Variants in CHEK1 observed in about 807,000 individuals in gnomAD.
CHEK1 encodes checkpoint kinase 1, also known as serine/threonine-protein kinase Chk1.
CHEK1 carries 32 observed loss-of-function variants against 60.2 expected under a neutral mutation model. The observed-to-expected ratio is 0.53, with a 90% confidence interval of 0.40 to 0.71. The LOEUF (loss-of-function observed/expected upper bound fraction) is 0.71, where lower values mean the gene tolerates loss of function less well. Ranked by LOEUF, CHEK1 falls within the 30% of genes least tolerant of loss-of-function variation. CHEK1 has a pLI of 0.00. For synonymous variants in CHEK1, 179 were observed against 187.2 expected, an observed-to-expected ratio of 0.96 and a Z score of 0.36; for missense variants, 399 against 564.6, an observed-to-expected ratio of 0.71 and a Z score of 2.97.
chr11:125,672,921 A>G (rs1222635125), intron 13 of CHEK1, among the ~76,000 whole-genome samples: 3 of 152,038 alleles, frequency 2.0e-5, no homozygotes, highest in East Asian at 1.9e-4. Context: ...GTCCGTTTCT[A>G]TGGACTCCTT....
At chr11:125,638,073 G>A (rs1380818281) in intron 8 of CHEK1, among the ~76,000 whole-genome samples, 1 of 152,192 alleles carries the variant, frequency 6.6e-6, no homozygotes, top group Non-Finnish European at 1.5e-5. Context: ...GGTTTGAGAT[G>A]AGGCCAGAGA....
intron 12 of CHEK1, among the ~76,000 whole-genome samples, chr11:125,654,973 C>G (rs1425940265): frequency 6.6e-6 from 1 of 152,142 alleles, no homozygotes; most frequent in Non-Finnish European, 1.5e-5. Flanking sequence ...AGATAGGATG[C>G]CATGTTTATC....
chr11:125,626,161 T>A lies in CHEK1; in HGVS notation c.-21+149T>A, dbSNP rs1591388506. 4.9e-6 allele frequency: 3 copies of A among 607,126 alleles called. No homozygotes were observed. The South Asian group carries it at 5.7e-5, about 11-fold the overall frequency. The allele number at this position is 607,126 out of a possible 1,614,324, so 37.6% of individuals were successfully genotyped here. The stretch of plus-strand genomic sequence containing the variant: ...CCTGCGGAGGGGCGGTTTCGGAGGG[T>A]GGAGGAATGGTACCAGGAGGTTCCC... On this transcript the variant is annotated intron_variant, in intron 1 of 12. Coordinates refer to ENST00000438015, the MANE Select transcript of CHEK1 (RefSeq NM_001114122.3).
At chr11:125,637,418 T>C (rs747557816) in intron 7 of CHEK1, 31 bp from the exon 8 acceptor site, 25 of 1,567,114 alleles carry the variant, frequency 1.6e-5, no homozygotes, top group Non-Finnish European at 1.8e-5. Flanking sequence ...CATGATTCTT[T>C]CGTGAATGTT....
chr11:125,677,343 A>G (rs185054780), downstream of CHEK1, among the ~76,000 whole-genome samples: 185 of 152,358 alleles, frequency 1.2e-3, 2 homozygotes, highest in Non-Finnish European at 1.4e-3. Flanking sequence ...AAATAGCTTT[A>G]CATTCCATGT....
chr11:125,667,142 C>G (rs1269559860), intron 13 of CHEK1, among the ~76,000 whole-genome samples: 1 of 152,018 alleles, frequency 6.6e-6, no homozygotes, highest in Non-Finnish European at 1.5e-5. Flanking sequence ...GTTCTTCAGT[C>G]CATTCCCCCA....
At chr11:125,638,151 A>G (rs1005608112) in intron 8 of CHEK1, among the ~76,000 whole-genome samples, 3 of 152,236 alleles carry the variant, frequency 2.0e-5, no homozygotes, top group Non-Finnish European at 4.4e-5. Flanking sequence ...GCTTTAACTT[A>G]AGACCACTGG....
chr11:125,636,395 T>C (rs888127548), intron 7 of CHEK1, among the ~76,000 whole-genome samples: 12 of 152,160 alleles, frequency 7.9e-5, no homozygotes, highest in Non-Finnish European at 1.8e-4. Flanking sequence ...TTTTCACAGA[T>C]ACAAAAGAGA....
chr11:125,667,821 A>C (rs781182011), intron 13 of CHEK1, among the ~76,000 whole-genome samples: 1 of 152,098 alleles, frequency 6.6e-6, no homozygotes, highest in Non-Finnish European at 1.5e-5. Flanking sequence ...GGGTTTCACC[A>C]TGTTGGCCAG....
chr11:125,664,262 C>G lies in CHEK1; in HGVS notation c.*27+8915C>G, dbSNP rs942412904. Among the ~76,000 whole-genome samples, 25 of 138,292 alleles carry G rather than the reference C, an allele frequency of 1.8e-4. 1 individual carries two copies. Among genetic ancestry groups the G allele is most frequent in the African/African-American group, 6.7e-4 (24 of 36,018 alleles). The allele number at this position is 138,292 out of a possible 152,430, so 90.7% of individuals were successfully genotyped here. ...TTTTTTTTTTTTTTGGAGACAGAGT[C>G]TCACTCTGTCGCCCAGGCTAGAGTA... On this transcript the variant is annotated intron_variant, in intron 13 of 13. Transcript: ENST00000428830.
intron 8 of CHEK1, 126 bp from the exon 9 acceptor site, chr11:125,643,665 AC>A: frequency 1.5e-6 from 1 of 654,650 alleles, no homozygotes; most frequent in East Asian, 2.8e-5. Context: ...TTTATATCTT[AC>A]AAAAATTTTG....
chr11:125,664,577 G>C (rs550669089), intron 13 of CHEK1, among the ~76,000 whole-genome samples: 1 of 152,124 alleles, frequency 6.6e-6, no homozygotes, highest in African/African-American at 2.4e-5. Context: ...TATGTCTTTT[G>C]AGAAATGTCT....
chr11:125,646,114 C>T (rs746133507), intron 11 of CHEK1, among the ~76,000 whole-genome samples: 1 of 152,142 alleles, frequency 6.6e-6, no homozygotes, highest in Non-Finnish European at 1.5e-5. Flanking sequence ...AACAAAACAC[C>T]TCTGTACCAC....
In CHEK1 at chr11:125,644,161, C is replaced by T; in HGVS notation, c.994C>T (p.Pro332Ser). The T allele has an allele frequency of 1.2e-6, 2 of 1,614,116 alleles. No homozygotes were observed. The highest frequency in any genetic ancestry group is 1.7e-6 in the Non-Finnish European group (2 of 1,180,016). The change falls in exon 10 of 13, where the codon CCC becomes TCC. Residue 332 changes from proline (P) to serine (S), a missense_variant. Pro to Ser is a moderately conservative substitution (Grantham distance 74). This residue lies in a region of CHEK1 where 370 missense variants were observed against 494.8 expected (regional missense o/e 0.75). Transcript: ENST00000438015. ...AGGTCTTTCCTTATGGGATACCAGCCCCTCATACATTGATAAATTGGTACA... is the reference window on the plus strand; with the variant it reads ...AGGTCTTTCCTTATGGGATACCAGCTCCTCATACATTGATAAATTGGTACA... ...RTGLSLWDTS[P>S]SYIDKLVQGI...
intron 13 of CHEK1, chr11:125,672,393 G>A (rs1942230070): frequency 3.5e-6 from 2 of 573,578 alleles, no homozygotes. Flanking sequence ...GAAAGAGTTG[G>A]AGCAGGGAAG....
rs1475000309 is a variant in CHEK1 at position 125,653,739 on chromosome 11, G to A, written c.1234-7G>A. 5 of 1,473,642 alleles carry A rather than the reference G, an allele frequency of 3.4e-6. No homozygotes were observed. The highest frequency in any genetic ancestry group is 4.7e-6 in the Non-Finnish European group (5 of 1,063,000). The allele number at this position is 1,473,642 out of a possible 1,614,324, so 91.3% of individuals were successfully genotyped here. A position where few individuals can be genotyped will look rare whatever the true frequency, so the allele number is the denominator to read the frequency against. On this transcript the variant is annotated splice_polypyrimidine_tract_variant and splice_region_variant and intron_variant, in intron 11 of 12. Transcript: ENST00000438015. This position sits in a 1 kb window ranked among gnomAD's most constrained non-coding sequence, Gnocchi z 4.3. ...CATGTGGCTTAACCTTATTTTTGTTGCCTTAGGTTACTATATCAACAACTG... is the reference window on the plus strand; with the variant it reads ...CATGTGGCTTAACCTTATTTTTGTTACCTTAGGTTACTATATCAACAACTG...
chr11:125,632,871 GCAGCCCCTTCTGACTC>G (rs1357364465), intron 5 of CHEK1, among the ~76,000 whole-genome samples: 1 of 152,116 alleles, frequency 6.6e-6, no homozygotes, highest in African/African-American at 2.4e-5. Flanking sequence ...TTCCAGAAGG[GCAGCCCCTTCTGACTC>G]CAGCCTCTTT....
intron 7 of CHEK1, among the ~76,000 whole-genome samples, chr11:125,636,933 T>A (rs1034912012): frequency 6.6e-6 from 1 of 152,180 alleles, no homozygotes; most frequent in African/African-American, 2.4e-5. Context: ...ATGGCTTCAT[T>A]TTTCCATTTA....
intron 8 of CHEK1, among the ~76,000 whole-genome samples, chr11:125,642,405 G>A (rs1184069505): frequency 1.3e-5 from 2 of 152,118 alleles, no homozygotes. Flanking sequence ...TCAGTAGAAT[G>A]TAGGATTTAA....
Sources: gnomAD v4.1 joint callset for allele counts (sites outside exome capture counted in the v4.1 genomes callset) on GRCh38, gnomAD v4.1.1 for gene constraint, gnomAD v4.1.1 regional missense constraint, Gnocchi (gnomAD v3.1) non-coding constraint, MANE v1.5 for transcripts, NCBI Gene and HGNC (gene_info 2026-07-23, HGNC 2026-07-21) for gene names.